Variants in ATP9B observed in about 807,000 individuals in gnomAD.
ATP9B encodes the protein probable phospholipid-transporting ATPase IIB.
ATP9B carries 110 observed loss-of-function variants against 146.1 expected under a neutral mutation model. The observed-to-expected ratio is 0.75, with a 90% CI of 0.65 to 0.88. ATP9B has a LOEUF of 0.88. ATP9B is among the 40% of genes least tolerant of loss of function. ATP9B has a pLI of 0.00. For synonymous variants in ATP9B, 604 were observed against 569.7 expected (o/e 1.06, Z -0.86); for missense variants, 1,499 against 1,496.4 (o/e 1.00, Z -0.03).
chr18:79,339,342 A>T (rs145509529), intron 19 of ATP9B, among the ~76,000 whole-genome samples: 2,066 of 151,790 alleles, frequency 0.014, 19 homozygotes, highest in Non-Finnish European at 0.02. Context: ...TCGCAGTAGG[A>T]AGTGTGTCAT....
chr18:79,203,784 C>T (rs2095510189), intron 9 of ATP9B, among the ~76,000 whole-genome samples: 1 of 152,192 alleles, frequency 6.6e-6, no homozygotes, highest in African/African-American at 2.4e-5. Flanking sequence ...CCTCTAGACC[C>T]CCAGCAGGTA....
In ATP9B at chr18:79,096,645, A is replaced by G. The variant is rs1243488904; in HGVS notation, c.289A>G (p.Thr97Ala). 31 of 1,611,688 alleles carry G rather than the reference A, an allele frequency of 1.9e-5. No individual in the cohort carries two copies. Among genetic ancestry groups the G allele is most frequent in the Non-Finnish European group, 2.5e-5 (30 of 1,178,698 alleles). Residue 97 changes from threonine to alanine, a missense_variant, in exon 2 of 30, where the codon ACC (threonine) becomes GCC (alanine). Coordinates refer to ENST00000426216, the MANE Select transcript of ATP9B (RefSeq NM_198531.5). ...CTGTGATGGCTGGAAGTTCCTCTGT[A>G]CCAGGTTTGTTATCCATTGCTACCT... Reference protein sequence around the residue: ...FVCDGWKFLCTSCCGWLINIC... With the variant: ...FVCDGWKFLCASCCGWLINIC...
chr18:79,205,477 ATTTC>A (rs1025558865), intron 9 of ATP9B, among the ~76,000 whole-genome samples: 3 of 151,656 alleles, frequency 2.0e-5, no homozygotes, highest in Non-Finnish European at 4.4e-5. Flanking sequence ...TTCAAATTTG[ATTTC>A]TTTTTTTTTT....
intron 2 of ATP9B, among the ~76,000 whole-genome samples, chr18:79,105,075 A>G (rs938980283): frequency 6.6e-6 from 1 of 152,216 alleles, no homozygotes; most frequent in Non-Finnish European, 1.5e-5. Context: ...TGGGATGAGA[A>G]GCGACCTGAG....
intron 7 of ATP9B, among the ~76,000 whole-genome samples, chr18:79,163,595 A>C (rs547301983): frequency 1.3e-5 from 2 of 152,252 alleles, no homozygotes; most frequent in African/African-American, 4.8e-5. Context: ...CTAGAAAAAA[A>C]CTGTAACTTT....
intron 27 of ATP9B, 123 bp downstream of exon 27, chr18:79,373,005 C>T: frequency 1.6e-6 from 1 of 631,246 alleles, no homozygotes; most frequent in South Asian, 2.1e-5. Context: ...CAGTTAAATA[C>T]TCCCTTCTGT....
intron 13 of ATP9B, among the ~76,000 whole-genome samples, chr18:79,291,286 T>A (rs566312996): frequency 2.0e-5 from 3 of 152,308 alleles, no homozygotes; most frequent in Admixed American, 1.3e-4. Context: ...TCTTACTCTC[T>A]GGCTGCATTC....
At chr18:79,151,653 G>A (rs1454737719) in intron 6 of ATP9B, among the ~76,000 whole-genome samples, 2 of 151,956 alleles carry the variant, frequency 1.3e-5, no homozygotes, top group Admixed American at 6.6e-5. Flanking sequence ...TCCAATCAGC[G>A]TGCCTTGGCA....
intron 26 of ATP9B, among the ~76,000 whole-genome samples, chr18:79,368,663 G>A (rs772882284): frequency 2.0e-5 from 3 of 152,138 alleles, no homozygotes; most frequent in Non-Finnish European, 4.4e-5. Context: ...ATGAAGGAAT[G>A]AGACCCTGAA....
chr18:79,351,390 A>G (rs1372745163), intron 25 of ATP9B, among the ~76,000 whole-genome samples: 1 of 152,200 alleles, frequency 6.6e-6, no homozygotes, highest in Non-Finnish European at 1.5e-5. Flanking sequence ...TCCGTCACAA[A>G]AGAAACGTCT....
At chr18:79,332,232 C>A (rs111924115) in intron 17 of ATP9B, among the ~76,000 whole-genome samples, 7,652 of 152,188 alleles carry the variant, frequency 0.05, 393 homozygotes, top group African/African-American at 0.13. Flanking sequence ...GATTGAGACC[C>A]TCCTGGCTAA....
At chr18:79,248,094 C>G (rs1247713092) in intron 11 of ATP9B, among the ~76,000 whole-genome samples, 1 of 152,196 alleles carries the variant, frequency 6.6e-6, no homozygotes, top group Non-Finnish European at 1.5e-5. Context: ...TTTCGCAGAT[C>G]ACTGAGGCGA....
chr18:79,216,664 C>T (rs1249538551), intron 11 of ATP9B, among the ~76,000 whole-genome samples: 1 of 152,180 alleles, frequency 6.6e-6, no homozygotes, highest in East Asian at 1.9e-4. Context: ...CTTCCAGTTT[C>T]CGCTGTGTGG....
intron 24 of ATP9B, 59 bp from the exon 25 acceptor site, chr18:79,348,073 T>C: frequency 6.2e-7 from 1 of 1,603,888 alleles, no homozygotes; most frequent in Non-Finnish European, 8.5e-7. Context: ...CTGAGAGGCT[T>C]GGGGCCACAG....
intron 13 of ATP9B, among the ~76,000 whole-genome samples, chr18:79,287,235 A>G (rs1326761255): frequency 1.3e-5 from 2 of 152,168 alleles, no homozygotes; most frequent in Non-Finnish European, 2.9e-5. Flanking sequence ...TTGGCTGTGA[A>G]TCCATCTGGT....
intron 7 of ATP9B, among the ~76,000 whole-genome samples, chr18:79,164,143 T>G (rs532701664): frequency 4.1e-4 from 62 of 152,294 alleles, no homozygotes; most frequent in Non-Finnish European, 8.8e-5. Context: ...CAAGCTGGTC[T>G]TGCACTTCTG....
intron 11 of ATP9B, among the ~76,000 whole-genome samples, chr18:79,221,575 G>A (rs966937106): frequency 6.6e-6 from 1 of 152,122 alleles, no homozygotes; most frequent in African/African-American, 2.4e-5. Context: ...ACAAAAATTA[G>A]CCGGGCGTGG....
intron 6 of ATP9B, among the ~76,000 whole-genome samples, chr18:79,153,190 T>G (rs1045165674): frequency 6.6e-6 from 1 of 152,214 alleles, no homozygotes; most frequent in Non-Finnish European, 1.5e-5. Flanking sequence ...GGTAGATAAG[T>G]CTTTACTTAG....
At chr18:79,108,355 T>C (rs772238899) in intron 2 of ATP9B, among the ~76,000 whole-genome samples, 4 of 152,250 alleles carry the variant, frequency 2.6e-5, no homozygotes, top group Non-Finnish European at 5.9e-5. Context: ...CAGCATTTTA[T>C]TGAAATCTAC....
Sources: gnomAD v4.1 joint callset for allele counts (sites outside exome capture counted in the v4.1 genomes callset) on GRCh38, gnomAD v4.1.1 for gene constraint, MANE v1.5 for transcripts, NCBI Gene and HGNC (gene_info 2026-07-23, HGNC 2026-07-21) for gene names.